Variants in BIN1 observed in about 807,000 individuals in gnomAD.
The protein encoded by BIN1 is myc box-dependent-interacting protein 1.
In BIN1, 53 loss-of-function variants were observed where a neutral mutation model predicts 82.0. The observed-to-expected ratio is 0.65, with a 90% CI of 0.52 to 0.81. BIN1 has a LOEUF of 0.81. Ranked by LOEUF, BIN1 falls within the 40% of genes least tolerant of loss-of-function variation. BIN1 has a pLI of 0.00. For synonymous variants in BIN1, 302 were observed against 328.0 expected, an observed-to-expected ratio of 0.92 and a Z score of 0.86; for missense variants, 642 against 784.4, an observed-to-expected ratio of 0.82 and a Z score of 2.17.
In BIN1 at chr2:127,106,958, C is replaced by T; in HGVS notation, c.-15G>A. 1 of 1,606,584 alleles carries T rather than the reference C, an allele frequency of 6.2e-7. No individual in the cohort carries two copies. The highest frequency in any genetic ancestry group is 8.5e-7 in the Non-Finnish European group (1 of 1,177,676). On this transcript the variant is annotated 5_prime_UTR_variant, in exon 1 of 19. Coordinates refer to ENST00000316724, the MANE Select transcript of BIN1 (RefSeq NM_139343.3). ...ATCTCTGCCATCGCGGCGCAGGCCTCGCCCGGTGGCAGGGGCCGCTCTCGC... is the reference window on the plus strand; with the variant it reads ...ATCTCTGCCATCGCGGCGCAGGCCTTGCCCGGTGGCAGGGGCCGCTCTCGC...
In BIN1 at chr2:127,070,554, T is replaced by A; in HGVS notation, c.314A>T (p.Glu105Val). ...CAGGCCCACCTGTCCCATGCTCACCTCTGCGATCTTGTTTGCCTCATCCCT... is the reference window on the plus strand; with the variant it reads ...CAGGCCCACCTGTCCCATGCTCACCACTGCGATCTTGTTTGCCTCATCCCT... ...PGRDEANKIA[E>V]NNDLLWMDYH... Residue 105 changes from glutamate to valine, a missense_variant and splice_region_variant, in exon 4 of 19, where the codon GAG becomes GTG. Transcript: ENST00000316724. 1.2e-6 allele frequency: 2 copies of A among 1,614,002 alleles called. No homozygotes were observed. Among genetic ancestry groups the A allele is most frequent in the Non-Finnish European group, 1.7e-6 (2 of 1,179,990 alleles).
intron 4 of BIN1, 102 bp downstream of exon 4, chr2:127,070,451 C>A: frequency 1.4e-6 from 2 of 1,442,806 alleles, no homozygotes; most frequent in Admixed American, 1.7e-5. Flanking sequence ...CGCGAATGCC[C>A]GAGAACCAGA....
intron 10 of BIN1, chr2:127,060,444 A>T: frequency 1.7e-6 from 2 of 1,198,854 alleles, no homozygotes; most frequent in Non-Finnish European, 2.4e-6. Flanking sequence ...CCGCCTTCCC[A>T]CCCAACACGC....
At chr2:127,061,219 C>A (rs1684432307) in intron 10 of BIN1, among the ~76,000 whole-genome samples, 2 of 148,602 alleles carry the variant, frequency 1.3e-5, no homozygotes, top group African/African-American at 5.0e-5. Flanking sequence ...CCCACCCCCC[C>A]AACCACCACC....
chr2:127,101,112 A>G (rs1017483732), intron 1 of BIN1, among the ~76,000 whole-genome samples: 2 of 151,256 alleles, frequency 1.3e-5, no homozygotes, highest in African/African-American at 4.9e-5. Flanking sequence ...GCCATCTTTG[A>G]CACCCTCCTC....
rs1057205438 is a variant in BIN1 at position 127,083,676 on chromosome 2, A to G, written c.85-6970T>C. Among the ~76,000 whole-genome samples the G allele has an allele frequency of 2.6e-5, 4 of 152,180 alleles. No individual in the cohort carries two copies. The East Asian group carries it at 7.7e-4, about 29-fold the overall frequency. On this transcript the variant is annotated intron_variant, in intron 1 of 18. Coordinates refer to ENST00000316724, the MANE Select transcript of BIN1 (RefSeq NM_139343.3). ...GGTCTAGGATCCAACTGTGGTTCAC[A>G]TATTGCTTCTGATTGTCGGGTCTCT...
Position 127,070,531 on chromosome 2 carries a change from G to A in BIN1, c.315+22C>T, listed in dbSNP as rs750061521. On this transcript the variant is annotated intron_variant, in intron 4 of 18. Transcript: ENST00000316724. ...ACCAGAGGGCCCTCTGAGAAGGGCA[G>A]GCCCACCTGTCCCATGCTCACCTCT... The A allele has an allele frequency of 2.0e-5, 33 of 1,613,216 alleles. No individual in the cohort carries two copies. The Middle Eastern group carries it at 4.9e-4, about 24-fold the overall frequency.
At chr2:127,055,436 A>G (rs1357189857) in intron 12 of BIN1, 1 of 152,270 alleles carries the variant, frequency 6.6e-6, no homozygotes, top group Non-Finnish European at 1.5e-5. Context: ...GCCCTGGGCC[A>G]ATCCCAGCAG....
Position 127,057,888 on chromosome 2 carries a change from G to A in BIN1, c.1003-287C>T, listed in dbSNP as rs998421225. 2.2e-4 allele frequency among the ~76,000 whole-genome samples: 19 copies of A among 85,900 alleles called. No homozygotes were observed. Among genetic ancestry groups the A allele is most frequent in the African/African-American group, 1.4e-3 (17 of 11,754 alleles). 56.4% of individuals were successfully genotyped at this position (85,900 alleles called of 152,430 possible). On this transcript the variant is annotated intron_variant, in intron 11 of 18. Transcript: ENST00000316724. The surrounding 1 kb of genome is among the most constrained non-coding windows in gnomAD (Gnocchi z 5.0). Reference sequence around the variant, plus strand: ...GTGAGGGGAGAGGAGGAAGGAGAGCGAAGAAGAGAAGAGGCCCCAGGCTGC... The same window carrying A: ...GTGAGGGGAGAGGAGGAAGGAGAGCAAAGAAGAGAAGAGGCCCCAGGCTGC...
intron 2 of BIN1, among the ~76,000 whole-genome samples, chr2:127,074,276 G>A (rs898526551): frequency 6.6e-6 from 1 of 151,806 alleles, no homozygotes; most frequent in Non-Finnish European, 1.5e-5. Context: ...ATTCCTTCCT[G>A]GTCCCCACAC....
chr2:127,059,380 C>G lies in BIN1; in HGVS notation c.858-225G>C, dbSNP rs974860118. ...GGGAAGCCTGCCTCAGAAACAGGAA[C>G]AGCACAAGGTGGGACTCCAGGCTGG... On this transcript the variant is annotated intron_variant, in intron 10 of 18. Coordinates refer to ENST00000316724, the MANE Select transcript of BIN1 (RefSeq NM_139343.3). This position sits in a 1 kb window ranked among gnomAD's most constrained non-coding sequence, Gnocchi z 6.7. Among the ~76,000 whole-genome samples, 1 of 151,898 alleles carries G rather than the reference C, an allele frequency of 6.6e-6. No individual in the cohort carries two copies. The highest frequency in any genetic ancestry group is 6.6e-5 in the Admixed American group (1 of 15,262).
chr2:127,092,041 C>T (rs919145183), intron 1 of BIN1, among the ~76,000 whole-genome samples: 16 of 152,004 alleles, frequency 1.1e-4, no homozygotes, highest in Non-Finnish European at 2.1e-4. Context: ...AGCCTTGCCC[C>T]TTCCCCAGGC....
chr2:127,100,535 T>G (rs527735678), intron 1 of BIN1, among the ~76,000 whole-genome samples: 1 of 152,204 alleles, frequency 6.6e-6, no homozygotes, highest in Non-Finnish European at 1.5e-5. Flanking sequence ...CACTCCAGCT[T>G]CAGTTTCTTC....
At chr2:127,053,337 G>T in intron 14 of BIN1, 85 bp downstream of exon 14, 2 of 1,564,782 alleles carry the variant, frequency 1.3e-6, no homozygotes, top group South Asian at 1.1e-5. Context: ...ATGCACCTGT[G>T]AACAGGCTAG....
Position 127,057,178 on chromosome 2 carries a change from C to T in BIN1, c.1131+295G>A, listed in dbSNP as rs569919083. On this transcript the variant is annotated intron_variant, in intron 12 of 18. Coordinates refer to ENST00000316724, the MANE Select transcript of BIN1 (RefSeq NM_139343.3). The surrounding 1 kb of genome is among the most constrained non-coding windows in gnomAD (Gnocchi z 5.0). The stretch of plus-strand genomic sequence containing the variant: ...ACACGTCCTCCACACTCCCCGATCC[C>T]CTCTGCCATAGCACCCACTGCGTCG... Among the ~76,000 whole-genome samples the T allele has an allele frequency of 9.2e-5, 14 of 152,354 alleles. No homozygotes were observed. The South Asian group carries it at 2.9e-3, about 32-fold the overall frequency.
chr2:127,060,091 A>C (rs1684240838), intron 10 of BIN1, among the ~76,000 whole-genome samples: 1 of 152,186 alleles, frequency 6.6e-6, no homozygotes, highest in African/African-American at 2.4e-5. Flanking sequence ...ATCCAGCAGG[A>C]ACCAGTGACC....
At chr2:127,106,432 C>A (rs1028959322) in intron 1 of BIN1, among the ~76,000 whole-genome samples, 16 of 152,358 alleles carry the variant, frequency 1.1e-4, no homozygotes, top group Non-Finnish European at 2.2e-4. Flanking sequence ...GGGACATACT[C>A]CCTCTCGCCC....
At chr2:127,078,680 C>T (rs1412654753) in intron 1 of BIN1, among the ~76,000 whole-genome samples, 1 of 152,208 alleles carries the variant, frequency 6.6e-6, no homozygotes, top group Non-Finnish European at 1.5e-5. Flanking sequence ...AAAACCCCCA[C>T]ATGAGCAAGA....
At chr2:127,063,693 G>A in intron 8 of BIN1, 47 bp from the exon 9 acceptor site, 1 of 1,592,814 alleles carries the variant, frequency 6.3e-7, no homozygotes. Context: ...GGCAGGTCAG[G>A]ACAGCAACTC....
Sources: allele counts gnomAD v4.1 joint callset (sites outside exome capture counted in the v4.1 genomes callset), GRCh38; gene constraint gnomAD v4.1.1; non-coding constraint Gnocchi (gnomAD v3.1); transcripts MANE v1.5; gene names NCBI Gene and HGNC (gene_info 2026-07-23, HGNC 2026-07-21).